Variants in THEM4 observed in about 807,000 individuals in gnomAD.
The protein encoded by THEM4 is acyl-coenzyme A thioesterase THEM4.
In THEM4, 22 loss-of-function variants were observed where a neutral mutation model predicts 25.0. That is an observed-to-expected ratio of 0.88 (90% CI 0.63 to 1.26). The LOEUF is 1.26. THEM4 is among the 50% of genes most tolerant of loss of function. The pLI is 0.00. For synonymous variants in THEM4, 113 were observed against 105.6 expected (o/e 1.07, Z -0.43); for missense variants, 286 against 300.3 (o/e 0.95, Z 0.35).
At chr1:151,900,801 C>T (rs1344640818) in intron 1 of THEM4, among the ~76,000 whole-genome samples, 1 of 152,178 alleles carries the variant, frequency 6.6e-6, no homozygotes, top group Non-Finnish European at 1.5e-5. Context: ...AAACTGGCCC[C>T]AAAACTGGCC....
chr1:151,898,674 G>A (rs1654277040), intron 1 of THEM4, among the ~76,000 whole-genome samples: 1 of 152,230 alleles, frequency 6.6e-6, no homozygotes. Flanking sequence ...AACCCTCACA[G>A]AGTCCACTGC....
chr1:151,893,383 C>A (rs2338202), intron 2 of THEM4, among the ~76,000 whole-genome samples: 122,682 of 138,916 alleles, frequency 0.88, 54,341 homozygotes, highest in South Asian at 0.92. Context: ...AAACCAAAAA[C>A]AAAAAAAACA....
chr1:151,900,759 G>A (rs1654332613), intron 1 of THEM4, among the ~76,000 whole-genome samples: 1 of 152,156 alleles, frequency 6.6e-6, no homozygotes, highest in Non-Finnish European at 1.5e-5. Flanking sequence ...TCCACTGACA[G>A]CTGCTGGGGA....
intron 1 of THEM4, among the ~76,000 whole-genome samples, chr1:151,904,819 A>C (rs752329674): frequency 3.3e-5 from 5 of 152,190 alleles, no homozygotes; most frequent in Admixed American, 2.6e-4. Context: ...ACTAGGGTGA[A>C]TAGAATGAAA....
At chr1:151,901,920 T>C (rs765809899) in intron 1 of THEM4, among the ~76,000 whole-genome samples, 2 of 152,004 alleles carry the variant, frequency 1.3e-5, no homozygotes, top group Admixed American at 6.5e-5. Context: ...GAAATCAAGA[T>C]GGAAATTTAA....
chr1:151,902,091 C>G (rs1285346608), intron 1 of THEM4, among the ~76,000 whole-genome samples: 1 of 152,138 alleles, frequency 6.6e-6, no homozygotes. Flanking sequence ...CCACCTTACT[C>G]CTGCAAGAAT....
chr1:151,878,153 T>C (rs1334301455), intron 4 of THEM4, among the ~76,000 whole-genome samples: 1 of 152,204 alleles, frequency 6.6e-6, no homozygotes, highest in East Asian at 1.9e-4. Context: ...TCTCTTCATT[T>C]ATCCATCCCC....
intron 1 of THEM4, among the ~76,000 whole-genome samples, chr1:151,908,107 G>A (rs1654513779): frequency 6.6e-6 from 1 of 152,174 alleles, no homozygotes; most frequent in Non-Finnish European, 1.5e-5. Flanking sequence ...TCTTCCCCCA[G>A]GCATCCTTAT....
chr1:151,904,991 T>G (rs1166273693), intron 1 of THEM4, among the ~76,000 whole-genome samples: 3 of 152,202 alleles, frequency 2.0e-5, no homozygotes, highest in Non-Finnish European at 4.4e-5. Flanking sequence ...AGGTGAAAAC[T>G]AAGAGATACC....
At chr1:151,906,700 A>G (rs1011753372) in intron 1 of THEM4, among the ~76,000 whole-genome samples, 5 of 152,192 alleles carry the variant, frequency 3.3e-5, no homozygotes, top group Non-Finnish European at 5.9e-5. Flanking sequence ...AAACACACCA[A>G]TCAGCACCCT....
Position 151,889,278 on chromosome 1 carries a change from T to C in THEM4, c.382A>G (p.Asn128Asp). The C allele has an allele frequency of 6.2e-7, 1 of 1,614,080 alleles. No homozygotes were observed. The highest frequency in any genetic ancestry group is 1.1e-5 in the South Asian group (1 of 91,078). Residue 128 changes from asparagine (N) to aspartate (D), a missense_variant, in exon 3 of 6, where the codon AAT becomes GAT. Transcript: ENST00000368814. Reference protein sequence around the residue: ...GLGFEYVMFYNDIEKRMVCLF... With the variant: ...GLGFEYVMFYDDIEKRMVCLF... ...CAAACCATCCTTTTCTCAATGTCAT[T>C]GTAGAACATCACGTATTCAAAGCCC...
At position 151,872,915 on chromosome 1, in the gene THEM4, G is replaced by A. The variant is rs146151416; in HGVS notation, c.*1973C>T. Among the ~76,000 whole-genome samples, 29 of 152,164 alleles carry A rather than the reference G, an allele frequency of 1.9e-4. No individual in the cohort carries two copies. The East Asian group carries it at 5.2e-3, about 27-fold the overall frequency. ...GAAAGACCTGACCATCCCCCAGCCC[G>A]ACACCCGCAAAGGGTCTGTGCTGAG... is the stretch of plus-strand genomic sequence containing the variant. On this transcript the variant is annotated 3_prime_UTR_variant, in exon 6 of 6. Coordinates refer to ENST00000368814, the MANE Select transcript of THEM4 (RefSeq NM_053055.5).
rs1279477349 is a variant in THEM4, at chr1:151,874,563, C to T, written c.*325G>A. On this transcript the variant is annotated 3_prime_UTR_variant, in exon 6 of 6. Transcript: ENST00000368814. ...ATAATTTTTTGTATTTTAGTAGAGA[C>T]GGAGTTTCATCGTGTTGCCCAGACT... 15 of 297,342 alleles carry T rather than the reference C, an allele frequency of 5.0e-5. No homozygotes were observed. Among genetic ancestry groups the T allele is most frequent in the South Asian group, 2.7e-4 (4 of 14,734 alleles). The allele number at this position is 297,342 out of a possible 1,614,324, so 18.4% of individuals were successfully genotyped here.
chr1:151,905,704 A>G (rs1177613874), intron 1 of THEM4, among the ~76,000 whole-genome samples: 1 of 152,170 alleles, frequency 6.6e-6, no homozygotes, highest in African/African-American at 2.4e-5. Flanking sequence ...CTTGAATCCC[A>G]TCCCCTTCCG....
intron 2 of THEM4, chr1:151,890,157 G>A (rs1330993371): frequency 4.4e-6 from 2 of 453,424 alleles, no homozygotes; most frequent in East Asian, 1.4e-4. Flanking sequence ...CGCCTGCCTT[G>A]GCCTCCCAAA....
rs1197028034 is a variant in THEM4 at position 151,889,197 on chromosome 1, C to G, written c.446+17G>C. ...TAAAAATCTTTTAGATCCACACTTT[C>G]AGGCTATCATTCTTACCCAGGTGGT... On this transcript the variant is annotated intron_variant, in intron 3 of 5. Transcript: ENST00000368814. The G allele has an allele frequency of 2.8e-5, 45 of 1,610,212 alleles. No homozygotes were observed. The highest frequency in any genetic ancestry group is 3.6e-5 in the Non-Finnish European group (43 of 1,178,772).
chr1:151,891,753 G>A (rs1022366049), intron 2 of THEM4, among the ~76,000 whole-genome samples: 8 of 152,140 alleles, frequency 5.3e-5, no homozygotes, highest in African/African-American at 1.9e-4. Flanking sequence ...AAAGTTCATA[G>A]GTGATGAGGA....
intron 1 of THEM4, among the ~76,000 whole-genome samples, chr1:151,905,292 T>G (rs2101732749): frequency 6.6e-6 from 1 of 152,326 alleles, no homozygotes; most frequent in East Asian, 1.9e-4. Context: ...TGCTGAGGTT[T>G]TTCTCTTTTT....
At chr1:151,906,225 T>C (rs1472890669) in intron 1 of THEM4, among the ~76,000 whole-genome samples, 2 of 152,170 alleles carry the variant, frequency 1.3e-5, no homozygotes, top group Non-Finnish European at 2.9e-5. Context: ...GGCCCTGCAC[T>C]CGGAGCAGCC....
Sources: allele counts gnomAD v4.1 joint callset (sites outside exome capture counted in the v4.1 genomes callset), GRCh38; gene constraint gnomAD v4.1.1; transcripts MANE v1.5; gene names NCBI Gene and HGNC (gene_info 2026-07-23, HGNC 2026-07-21).